The following CBFA2T3 variants were observed in gnomAD, a reference collection of about 807,000 sequenced individuals.
CBFA2T3 encodes CBFA2/RUNX1 partner transcriptional co-repressor 3, also known as transcriptional corepressor CBFA2T3.
A neutral mutation model predicts 58.6 loss-of-function variants in CBFA2T3; 31 were observed. The observed-to-expected ratio is 0.53, with a 90% CI of 0.40 to 0.71. CBFA2T3 has a LOEUF of 0.71. Among genes scored for constraint, CBFA2T3 ranks in the 30% least tolerant of loss-of-function variants. The probability of loss-of-function intolerance (pLI) is 0.00; values close to 1 mark genes in which losing one functional copy is unlikely to be tolerated. For missense variants in CBFA2T3, 1,076 were observed against 963.1 expected (o/e 1.12, Z -1.55); for synonymous variants, 531 against 421.9 (o/e 1.26, Z -3.17).
intron 1 of CBFA2T3, among the ~76,000 whole-genome samples, chr16:88,973,844 G>A (rs1402556888): frequency 6.6e-6 from 1 of 152,100 alleles, no homozygotes. Flanking sequence ...TGCACGGATG[G>A]TGCCTTCACA....
In CBFA2T3 at chr16:88,875,515, TTTG is replaced by T. The variant is rs1160478648; in HGVS notation, c.*1458_*1460del. 2 of 233,746 alleles carry T rather than the reference TTTG, an allele frequency of 8.6e-6. No homozygotes were observed. The highest frequency in any genetic ancestry group is 4.4e-5 in the African/African-American group (2 of 45,278). The allele number at this position is 233,746 out of a possible 1,614,324, so 14.5% of individuals were successfully genotyped here. On this transcript the variant is annotated 3_prime_UTR_variant, in exon 12 of 12. Coordinates refer to ENST00000268679, the MANE Select transcript of CBFA2T3 (RefSeq NM_005187.6). ...GAGGGCTGCTTTTGTTTGTAGTTTTTTTGTTTTTTCTGCAAAAGTTTGGAAGAA... is the reference window on the plus strand; with the variant it reads ...GAGGGCTGCTTTTGTTTGTAGTTTTTTTTTTTCTGCAAAAGTTTGGAAGAA...
At chr16:88,912,912 A>G (rs899135890) in intron 1 of CBFA2T3, among the ~76,000 whole-genome samples, 31 of 152,350 alleles carry the variant, frequency 2.0e-4, no homozygotes, top group African/African-American at 7.5e-4. Flanking sequence ...CTGAGGAATA[A>G]GGAGCTAATT....
At position 88,936,044 on chromosome 16, in the gene CBFA2T3, G is replaced by A. The variant is rs1426694897; in HGVS notation, c.152-34388C>T. 2.6e-5 allele frequency among the ~76,000 whole-genome samples: 4 copies of A among 152,268 alleles called. No individual in the cohort carries two copies. The East Asian group carries it at 7.7e-4, about 29-fold the overall frequency. ...TGCAGTCACCCCTGGCCCTCGTGGG[G>A]AGCCCCTCCCCACCTGTAAGAGGGT... On this transcript the variant is annotated intron_variant, in intron 1 of 11. Coordinates refer to ENST00000268679, the MANE Select transcript of CBFA2T3 (RefSeq NM_005187.6).
rs150387546 is a variant in CBFA2T3, at chr16:88,963,787, C to T, written c.151+12870G>A. ...AGGCACACAGCGGCCCGAGGAGAGC[C>T]GCATTCTGTGACTCAGGGTTCTGCG... On this transcript the variant is annotated intron_variant, in intron 1 of 11. Transcript: ENST00000268679. 2.9e-3 allele frequency among the ~76,000 whole-genome samples: 448 copies of T among 152,338 alleles called. 1 individual carries two copies. The highest frequency in any genetic ancestry group is 5.6e-3 in the Non-Finnish European group (383 of 68,024).
chr16:88,923,636 C>T (rs565449943), intron 1 of CBFA2T3, among the ~76,000 whole-genome samples: 4 of 152,356 alleles, frequency 2.6e-5, no homozygotes, highest in Non-Finnish European at 2.9e-5. Context: ...CCAGTCCTGG[C>T]GCGCAGCACA....
At chr16:88,960,546 T>G (rs1972331874) in intron 1 of CBFA2T3, among the ~76,000 whole-genome samples, 3 of 152,256 alleles carry the variant, frequency 2.0e-5, no homozygotes, top group Admixed American at 2.0e-4. Context: ...ATCTCAATTT[T>G]CCTTATGAAA....
chr16:88,968,349 G>T (rs904705824), intron 1 of CBFA2T3, among the ~76,000 whole-genome samples: 1 of 152,216 alleles, frequency 6.6e-6, no homozygotes, highest in Non-Finnish European at 1.5e-5. Flanking sequence ...CCCGCCGCCC[G>T]GAGAGCCCCC....
chr16:88,889,423 G>T (rs928722005), intron 5 of CBFA2T3, among the ~76,000 whole-genome samples: 1 of 150,486 alleles, frequency 6.6e-6, no homozygotes, highest in African/African-American at 2.5e-5. Context: ...GAGGGAGCGA[G>T]GGTGGGAACA....
chr16:88,949,864 G>C lies in CBFA2T3; in HGVS notation c.151+26793C>G, dbSNP rs528682835. ...CGTCTCTACTAAAACACAAAAATTA[G>C]CTGGGCGTGGTGGTGGGTGCCTGTA... On this transcript the variant is annotated intron_variant, in intron 1 of 11. Transcript: ENST00000268679. 2.6e-5 allele frequency among the ~76,000 whole-genome samples: 4 copies of C among 151,980 alleles called. No homozygotes were observed. The East Asian group carries it at 7.8e-4, about 30-fold the overall frequency.
intron 2 of CBFA2T3, among the ~76,000 whole-genome samples, chr16:88,898,645 G>T (rs73254234): frequency 1.3e-5 from 2 of 152,220 alleles, no homozygotes; most frequent in East Asian, 3.9e-4. Context: ...CCGAAGCCGC[G>T]TGTCCTAAAA....
At chr16:88,941,242 G>C (rs1971717312) in intron 1 of CBFA2T3, 4 of 913,660 alleles carry the variant, frequency 4.4e-6, no homozygotes, top group Non-Finnish European at 5.2e-6. Context: ...CCCCGCGCGG[G>C]AACAAAGCGC....
chr16:88,879,191 A>AGAATCCTCAT (rs1968965100), intron 11 of CBFA2T3, 79 bp downstream of exon 11: 3 of 1,294,100 alleles, frequency 2.3e-6, no homozygotes, highest in Non-Finnish European at 3.2e-6. Context: ...GTGGAGGCTC[A>AGAATCCTCAT]GAATCCTCAT....
chr16:88,905,685 G>A lies in CBFA2T3; in HGVS notation c.152-4029C>T, dbSNP rs1052311457. 2.8e-5 allele frequency among the ~76,000 whole-genome samples: 4 copies of A among 144,226 alleles called. No homozygotes were observed. In the East Asian group the frequency reaches 8.3e-4, roughly 30 times the overall value. 94.6% of individuals were successfully genotyped at this position (144,226 alleles called of 152,430 possible). On this transcript the variant is annotated intron_variant, in intron 1 of 11. Coordinates refer to ENST00000268679, the MANE Select transcript of CBFA2T3 (RefSeq NM_005187.6). ...TGAGGGGAGGTGGGGCTGAAGGAGG[G>A]GCGGGGCTGAAGGAGGGGCGGGGCT...
At chr16:88,963,147 C>A (rs1016465752) in intron 1 of CBFA2T3, among the ~76,000 whole-genome samples, 1 of 151,870 alleles carries the variant, frequency 6.6e-6, no homozygotes, top group Non-Finnish European at 1.5e-5. Flanking sequence ...AAGAAGCAGA[C>A]ACAGGCCCAG....
At chr16:88,914,292 G>T (rs182751929) in intron 1 of CBFA2T3, among the ~76,000 whole-genome samples, 1 of 152,330 alleles carries the variant, frequency 6.6e-6, no homozygotes, top group African/African-American at 2.4e-5. Context: ...GACCAGAGGG[G>T]GATCGGAGGC....
chr16:88,906,352 TACCAGCCCAC>T (rs1970332616), intron 1 of CBFA2T3, among the ~76,000 whole-genome samples: 5 of 152,294 alleles, frequency 3.3e-5, no homozygotes, highest in Non-Finnish European at 7.4e-5. Context: ...CCCCGTGGGC[TACCAGCCCAC>T]GGCTGCGAAC....
chr16:88,901,514 C>G lies in CBFA2T3; in HGVS notation c.294G>C (p.Thr98=), dbSNP rs759328088. Residue 98 remains threonine, a synonymous_variant, in exon 2 of 12, where the codon ACG becomes ACC. Transcript: ENST00000268679. ...GTGGGGGCTACTTACGTGTGTGTGG[C>G]GTGAAGGAGGGGGGGCGTGTGGCCC... The part of the protein sequence containing the change: ...SQGATRPPSF[T]PHTHREDGPA... 6.8e-7 allele frequency: 1 copy of G among 1,473,616 alleles called. No homozygotes were observed. Among genetic ancestry groups the G allele is most frequent in the Non-Finnish European group, 9.0e-7 (1 of 1,116,212 alleles). The allele number at this position is 1,473,616 out of a possible 1,614,324, so 91.3% of individuals were successfully genotyped here. A position where few individuals can be genotyped will look rare whatever the true frequency, so the allele number is the denominator to read the frequency against.
At chr16:88,942,922 C>T (rs149825516) in intron 1 of CBFA2T3, among the ~76,000 whole-genome samples, 1 of 152,266 alleles carries the variant, frequency 6.6e-6, no homozygotes, top group Non-Finnish European at 1.5e-5. Context: ...AGTTCTGAGC[C>T]CACCCCACAG....
At chr16:88,925,156 C>T (rs190217453) in intron 1 of CBFA2T3, among the ~76,000 whole-genome samples, 8 of 152,348 alleles carry the variant, frequency 5.3e-5, no homozygotes, top group Non-Finnish European at 8.8e-5. Context: ...AGGCCATGTC[C>T]GCAGTGGGCA....
Sources: gnomAD v4.1 joint callset for allele counts (sites outside exome capture counted in the v4.1 genomes callset) on GRCh38, gnomAD v4.1.1 for gene constraint, MANE v1.5 for transcripts, NCBI Gene and HGNC (gene_info 2026-07-23, HGNC 2026-07-21) for gene names.